The following TRPM2 variants were observed in gnomAD, a reference collection of about 807,000 sequenced individuals.
TRPM2 encodes the protein transient receptor potential cation channel subfamily M member 2.
A neutral mutation model predicts 174.0 loss-of-function variants in TRPM2; 161 were observed. The ratio of observed to expected loss-of-function variants is 0.93; its 90% confidence interval spans 0.81 to 1.05. The LOEUF is 1.05. Among genes scored for constraint, TRPM2 ranks in the 50% least tolerant of loss-of-function variants. The pLI, the probability that TRPM2 is intolerant of heterozygous loss-of-function variation, is 0.00. For synonymous variants in TRPM2, 954 were observed against 861.3 expected (o/e 1.11, Z -1.88); for missense variants, 2,057 against 2,038.0 (o/e 1.01, Z -0.18).
chr21:44,418,028 C>T lies in TRPM2; in HGVS notation c.3248C>T (p.Pro1083Leu), dbSNP rs748381275. 6.2e-7 allele frequency: 1 copy of T among 1,613,228 alleles called. No individual in the cohort carries two copies. Among genetic ancestry groups the T allele is most frequent in the Non-Finnish European group, 8.5e-7 (1 of 1,180,014 alleles). The change falls in exon 21 of 32, where the codon CCC (proline) becomes CTC (leucine). Residue 1083 changes from proline (P) to leucine (L), a missense_variant. Pro to Leu is a moderately conservative substitution (Grantham distance 98). Transcript: ENST00000397928. ...CACGGCCGCCCCGCCGCGCCGCCCC[C>T]CTTCATCCTCCTCAGCCACCTGCAG... The part of the protein sequence containing the change: ...EYHGRPAAPP[P>L]FILLSHLQLF...
rs769583399 is a variant in TRPM2, at chr21:44,379,086, C to T, written c.1104C>T (p.Asn368=). The T allele has an allele frequency of 2.5e-6, 4 of 1,613,158 alleles. No homozygotes were observed. Among genetic ancestry groups the T allele is most frequent in the Middle Eastern group, 1.6e-4 (1 of 6,084 alleles). The change falls in exon 8 of 32, where the codon AAC becomes AAT. Residue 368 remains asparagine (N), a synonymous_variant. Transcript: ENST00000397928. ...CCGACGTCATTGCCCAGGTGGCCAA[C>T]CTGCCTGTCTCGGACATCACTATCT... is the stretch of plus-strand genomic sequence containing the variant. ...RVADVIAQVA[N]LPVSDITISL... is the part of the protein sequence containing the mutation.
At chr21:44,356,820 C>T (rs1447330629) in intron 2 of TRPM2, among the ~76,000 whole-genome samples, 4 of 152,134 alleles carry the variant, frequency 2.6e-5, no homozygotes, top group East Asian at 1.9e-4. Context: ...GGGAAAGGAG[C>T]GGGGATTTCC....
intron 11 of TRPM2, among the ~76,000 whole-genome samples, chr21:44,394,020 C>T (rs991934578): frequency 1.3e-5 from 2 of 151,804 alleles, no homozygotes; most frequent in African/African-American, 4.8e-5. Flanking sequence ...TTACAGGCGC[C>T]CACCACCATG....
At chr21:44,374,131 C>T (rs754430095) in intron 5 of TRPM2, among the ~76,000 whole-genome samples, 3 of 152,062 alleles carry the variant, frequency 2.0e-5, no homozygotes, top group Non-Finnish European at 4.4e-5. Context: ...CCACCTTAGC[C>T]TCCCGAGTAG....
intron 15 of TRPM2, 125 bp downstream of exon 15, chr21:44,400,496 C>A: frequency 1.2e-6 from 1 of 828,910 alleles, no homozygotes; most frequent in South Asian, 1.7e-5. Context: ...AGAATTGTCC[C>A]TGGATCCTGG....
At chr21:44,419,005 C>T (rs1412767792) in intron 22 of TRPM2, among the ~76,000 whole-genome samples, 1 of 152,208 alleles carries the variant, frequency 6.6e-6, no homozygotes, top group African/African-American at 2.4e-5. Flanking sequence ...TCCCTCTCAG[C>T]TCCTCCCATC....
intron 19 of TRPM2, among the ~76,000 whole-genome samples, chr21:44,412,065 T>C (rs2050126712): frequency 1.3e-5 from 2 of 152,212 alleles, no homozygotes; most frequent in South Asian, 4.1e-4. Flanking sequence ...TCTTTTCTTG[T>C]AATATGTTTG....
chr21:44,400,930 C>G (rs976201981), intron 15 of TRPM2, among the ~76,000 whole-genome samples: 2 of 152,178 alleles, frequency 1.3e-5, no homozygotes, highest in African/African-American at 4.8e-5. Flanking sequence ...TGGATGGAGG[C>G]TCAGGGTCTC....
rs1423184521 is a variant in TRPM2 at position 44,367,066 on chromosome 21, C to T, written c.604+132C>T. Reference sequence around the variant, plus strand: ...GCCGAGGCTGTGCCCCAGCCTGAGTCGGACCCATGCACCTCTCACCTGGGC... The same window carrying T: ...GCCGAGGCTGTGCCCCAGCCTGAGTTGGACCCATGCACCTCTCACCTGGGC... On this transcript the variant is annotated intron_variant, in intron 4 of 31. Transcript: ENST00000397928. The surrounding 1 kb of genome is among the most constrained non-coding windows in gnomAD (Gnocchi z 4.6). 27 of 1,096,836 alleles carry T rather than the reference C, an allele frequency of 2.5e-5. No individual in the cohort carries two copies. Among genetic ancestry groups the T allele is most frequent in the African/African-American group, 3.2e-5 (2 of 62,960 alleles). The allele number at this position is 1,096,836 out of a possible 1,614,324, so 67.9% of individuals were successfully genotyped here.
intron 17 of TRPM2, among the ~76,000 whole-genome samples, chr21:44,405,500 G>T (rs1258261442): frequency 6.6e-6 from 1 of 152,152 alleles, no homozygotes; most frequent in East Asian, 1.9e-4. Flanking sequence ...ATGTGCAAGG[G>T]GCCATAGATG....
intron 22 of TRPM2, chr21:44,422,499 C>G: frequency 6.7e-7 from 1 of 1,485,950 alleles, no homozygotes; most frequent in African/African-American, 1.4e-5. Context: ...AGCGAAATCA[C>G]TTTCTTCCCT....
chr21:44,421,392 T>C (rs2050546173), intron 22 of TRPM2, among the ~76,000 whole-genome samples: 1 of 152,104 alleles, frequency 6.6e-6, no homozygotes, highest in Non-Finnish European at 1.5e-5. Flanking sequence ...TCAGAGCTGG[T>C]CTGCTGCCTA....
intron 16 of TRPM2, among the ~76,000 whole-genome samples, chr21:44,402,730 G>A (rs2049666379): frequency 6.6e-6 from 1 of 152,182 alleles, no homozygotes; most frequent in South Asian, 2.1e-4. Context: ...CCCCCCAGGT[G>A]GGGCGAATCC....
At chr21:44,368,697 G>T (rs948181672) in intron 4 of TRPM2, among the ~76,000 whole-genome samples, 1 of 152,200 alleles carries the variant, frequency 6.6e-6, no homozygotes, top group Non-Finnish European at 1.5e-5. Flanking sequence ...CTCCCAAAGT[G>T]CTGGGATTAC....
intron 2 of TRPM2, among the ~76,000 whole-genome samples, chr21:44,358,674 T>C (rs1602118893): frequency 1.3e-5 from 2 of 152,166 alleles, no homozygotes; most frequent in Middle Eastern, 6.8e-3. Flanking sequence ...ACAAGGACAT[T>C]TGGGGCAGCA....
At position 44,418,348 on chromosome 21, in the gene TRPM2, C is replaced by A. The variant is rs1187651466; in HGVS notation, c.3329-75C>A. On this transcript the variant is annotated intron_variant, in intron 21 of 31. Coordinates refer to ENST00000397928, the MANE Select transcript of TRPM2 (RefSeq NM_003307.4). ...GGACTGGCCCCCTCCCACGGGGCCC[C>A]CCCGGTGGGTCAGGGCTTCAGGGCC... 4.4e-6 allele frequency: 7 copies of A among 1,574,174 alleles called. No homozygotes were observed. The African/African-American group carries it at 9.5e-5, about 21-fold the overall frequency.
upstream of TRPM2, among the ~76,000 whole-genome samples, chr21:44,351,832 G>C (rs1262911685): frequency 6.6e-6 from 1 of 152,208 alleles, no homozygotes; most frequent in Non-Finnish European, 1.5e-5. Flanking sequence ...CTGCTTCCCA[G>C]GGCCTGCTTG....
At position 44,397,727 on chromosome 21, in the gene TRPM2, GT is replaced by G; in HGVS notation, c.1933-19del. On this transcript the variant is annotated intron_variant, in intron 12 of 31. Transcript: ENST00000397928. ...TTGAGCCTGGCTCTTTAGTCTCACG[GT>G]GGCTCCTCTGGTCCCCAGAGCCAGG... 1.3e-6 allele frequency: 2 copies of G among 1,551,754 alleles called. No individual in the cohort carries two copies. Among genetic ancestry groups the G allele is most frequent in the Non-Finnish European group, 1.7e-6 (2 of 1,147,370 alleles).
chr21:44,421,174 C>T (rs989642904), intron 22 of TRPM2, among the ~76,000 whole-genome samples: 8 of 152,096 alleles, frequency 5.3e-5, no homozygotes, highest in Non-Finnish European at 7.4e-5. Context: ...AAAAATTAGC[C>T]GGGTGTGGTG....
Sources: allele counts gnomAD v4.1 joint callset (sites outside exome capture counted in the v4.1 genomes callset), GRCh38; gene constraint gnomAD v4.1.1; non-coding constraint Gnocchi (gnomAD v3.1); transcripts MANE v1.5; gene names NCBI Gene and HGNC (gene_info 2026-07-23, HGNC 2026-07-21).